SOBP: variants seen among roughly 807,000 people sequenced by gnomAD.
The protein encoded by SOBP is sine oculis binding protein homolog.
Under a neutral mutation model 53.6 loss-of-function variants are expected in SOBP, and 4 were observed. The ratio of observed to expected loss-of-function variants is 0.07; its 90% CI spans 0.04 to 0.17. The LOEUF is 0.17. Ranked by LOEUF, SOBP falls within the 10% of genes least tolerant of loss-of-function variation. SOBP has a pLI of 1.00. For missense variants in SOBP, 1,088 were observed against 1,204.7 expected, an observed-to-expected ratio of 0.90 and a Z score of 1.43; for synonymous variants, 584 against 522.6, an observed-to-expected ratio of 1.12 and a Z score of -1.60.
At chr6:107,497,637 T>C (rs1394301384) in intron 1 of SOBP, among the ~76,000 whole-genome samples, 1 of 152,158 alleles carries the variant, frequency 6.6e-6, no homozygotes, top group African/African-American at 2.4e-5. Flanking sequence ...CATACTATAC[T>C]AACCTTCCTT....
chr6:107,633,209 A>G (rs142840309), intron 5 of SOBP, among the ~76,000 whole-genome samples: 21 of 152,306 alleles, frequency 1.4e-4, no homozygotes, highest in African/African-American at 5.1e-4. Flanking sequence ...GGGCAGGTAC[A>G]TTGGACAGGT....
At chr6:107,653,260 C>G (rs1771885032) in intron 6 of SOBP, among the ~76,000 whole-genome samples, 1 of 152,232 alleles carries the variant, frequency 6.6e-6, no homozygotes. Flanking sequence ...TATCTGGCAT[C>G]ACACTCAGAG....
Position 107,578,255 on chromosome 6 carries a change from A to G in SOBP, c.574-8825A>G, listed in dbSNP as rs537390125. On this transcript the variant is annotated intron_variant, in intron 4 of 6. Transcript: ENST00000317357. ...CCCGCACCCTCCCTCCCTTCCCCCCATTCTGTTATATTTGTCATTAAACAC... is the reference window on the plus strand; with the variant it reads ...CCCGCACCCTCCCTCCCTTCCCCCCGTTCTGTTATATTTGTCATTAAACAC... 3.3e-5 allele frequency among the ~76,000 whole-genome samples: 3 copies of G among 90,342 alleles called. No individual in the cohort carries two copies. The East Asian group carries it at 9.8e-4, about 30-fold the overall frequency. The allele number at this position is 90,342 out of a possible 152,430, so 59.3% of individuals were successfully genotyped here. A position where few individuals can be genotyped will look rare whatever the true frequency, so the allele number is the denominator to read the frequency against.
rs776138291 is a variant in SOBP, at chr6:107,490,597, C to G, written c.-20C>G. On this transcript the variant is annotated 5_prime_UTR_variant, in exon 1 of 7. Coordinates refer to ENST00000317357, the MANE Select transcript of SOBP (RefSeq NM_018013.4). ...GGCGGCAGCAGCCATTTCATCTCCA[C>G]AGAAACCAGACACAAAAACATGGCA... The G allele has an allele frequency of 6.3e-7, 1 of 1,583,984 alleles. No individual in the cohort carries two copies. The highest frequency in any genetic ancestry group is 1.8e-5 in the Admixed American group (1 of 56,452).
At chr6:107,548,207 C>T (rs755150590) in intron 4 of SOBP, among the ~76,000 whole-genome samples, 3 of 151,960 alleles carry the variant, frequency 2.0e-5, no homozygotes, top group Non-Finnish European at 2.9e-5. Context: ...CTACTGGCAC[C>T]AGAGAAAACC....
intron 5 of SOBP, among the ~76,000 whole-genome samples, chr6:107,592,670 T>C (rs534790718): frequency 6.6e-6 from 1 of 152,340 alleles, no homozygotes; most frequent in East Asian, 1.9e-4. Context: ...GCATACATTG[T>C]ATACTGTGTA....
intron 5 of SOBP, among the ~76,000 whole-genome samples, chr6:107,588,740 A>G (rs1785650503): frequency 6.6e-6 from 1 of 152,206 alleles, no homozygotes; most frequent in Non-Finnish European, 1.5e-5. Flanking sequence ...CAAAACATAT[A>G]TGTGAACATC....
intron 6 of SOBP, among the ~76,000 whole-genome samples, chr6:107,651,337 A>T (rs952009033): frequency 3.3e-5 from 5 of 152,238 alleles, no homozygotes; most frequent in African/African-American, 4.8e-5. Flanking sequence ...CTTATTGCTG[A>T]TATAGAGAAA....
intron 4 of SOBP, among the ~76,000 whole-genome samples, chr6:107,560,471 C>G (rs1784742755): frequency 2.0e-5 from 3 of 152,148 alleles, no homozygotes; most frequent in Non-Finnish European, 2.9e-5. Context: ...CTTCAAGTAC[C>G]TGACTGTCCA....
At chr6:107,551,425 CA>C (rs1465194056) in intron 4 of SOBP, among the ~76,000 whole-genome samples, 1 of 152,168 alleles carries the variant, frequency 6.6e-6, no homozygotes, top group African/African-American at 2.4e-5. Context: ...CGCACACACA[CA>C]CAAACTCATA....
chr6:107,520,629 C>T (rs1783455601), intron 3 of SOBP, among the ~76,000 whole-genome samples: 1 of 152,216 alleles, frequency 6.6e-6, no homozygotes, highest in Non-Finnish European at 1.5e-5. Flanking sequence ...AAGATGCTAA[C>T]AGGAAATAAG....
chr6:107,506,913 T>G (rs1043854414), intron 3 of SOBP, among the ~76,000 whole-genome samples: 26 of 151,854 alleles, frequency 1.7e-4, no homozygotes, highest in Admixed American at 6.6e-5. Context: ...AAAAATTAGT[T>G]AGGTGTGGTG....
At chr6:107,599,172 G>C (rs1013435812) in intron 5 of SOBP, among the ~76,000 whole-genome samples, 1 of 152,252 alleles carries the variant, frequency 6.6e-6, no homozygotes, top group Admixed American at 6.5e-5. Flanking sequence ...TTGTGGTCTT[G>C]AGATGGTCAG....
intron 5 of SOBP, 35 bp downstream of exon 5, chr6:107,587,210 T>C (rs1785595024): frequency 6.5e-7 from 1 of 1,549,600 alleles, no homozygotes; most frequent in Non-Finnish European, 8.9e-7. Flanking sequence ...GTCTAGAATG[T>C]TACTTTAGCA....
chr6:107,612,825 A>T (rs1002604632), intron 5 of SOBP, among the ~76,000 whole-genome samples: 2 of 152,158 alleles, frequency 1.3e-5, no homozygotes, highest in East Asian at 3.9e-4. Flanking sequence ...TCTAGATGTT[A>T]TGTACAAGTG....
intron 6 of SOBP, among the ~76,000 whole-genome samples, chr6:107,649,232 G>T (rs577612644): frequency 2.1e-5 from 3 of 144,904 alleles, no homozygotes; most frequent in Non-Finnish European, 4.5e-5. Context: ...CCAGCACTTT[G>T]CAAGGCCTAG....
intron 4 of SOBP, among the ~76,000 whole-genome samples, chr6:107,572,304 CTT>C (rs5878919): frequency 0.011 from 1,575 of 140,440 alleles, 25 homozygotes; most frequent in African/African-American, 0.038. Flanking sequence ...AATTTGCACA[CTT>C]TTTTTTTTTT....
chr6:107,523,192 G>A (rs1783565465), intron 3 of SOBP, among the ~76,000 whole-genome samples: 2 of 152,182 alleles, frequency 1.3e-5, no homozygotes, highest in East Asian at 3.9e-4. Flanking sequence ...AGAGAAGAGT[G>A]CTCTGAAGGA....
At chr6:107,537,335 A>G (rs1246456348) in intron 4 of SOBP, among the ~76,000 whole-genome samples, 1 of 152,232 alleles carries the variant, frequency 6.6e-6, no homozygotes, top group Non-Finnish European at 1.5e-5. Context: ...CCAAACTAAT[A>G]TCCAAAAATC....
Sources: allele counts gnomAD v4.1 joint callset (sites outside exome capture counted in the v4.1 genomes callset), GRCh38; gene constraint gnomAD v4.1.1; transcripts MANE v1.5; gene names NCBI Gene and HGNC (gene_info 2026-07-23, HGNC 2026-07-21).